Variants in KHDRBS2 observed in about 807,000 individuals in gnomAD.
The protein encoded by KHDRBS2 is KH domain-containing, RNA-binding, signal transduction-associated protein 2.
Under a neutral mutation model 44.3 loss-of-function variants are expected in KHDRBS2, and 26 were observed. The observed-to-expected ratio is 0.59, with a 90% CI of 0.43 to 0.81. The LOEUF is 0.81. Ranked by LOEUF, KHDRBS2 falls within the 40% of genes least tolerant of loss-of-function variation. The probability of loss-of-function intolerance (pLI) is 0.00; values close to 1 mark genes in which losing one functional copy is unlikely to be tolerated. For missense variants in KHDRBS2, 476 were observed against 433.1 expected, an observed-to-expected ratio of 1.10 and a Z score of -0.88; for synonymous variants, 194 against 151.1, an observed-to-expected ratio of 1.28 and a Z score of -2.08.
At chr6:61,593,019 A>G in the KHDRBS2 span, among the ~76,000 whole-genome samples, 3 of 152,198 alleles carry the variant, frequency 2.0e-5, no homozygotes, top group Non-Finnish European at 4.4e-5. Context: ...TTCTATAGAA[A>G]TAGAAGAAGA....
intron 6 of KHDRBS2, among the ~76,000 whole-genome samples, chr6:61,755,392 C>T (rs900311409): frequency 6.6e-6 from 1 of 152,012 alleles, no homozygotes; most frequent in Non-Finnish European, 1.5e-5. Flanking sequence ...ATGAAGGAAA[C>T]CTCCTAATGA....
At position 61,894,680 on chromosome 6, in the gene KHDRBS2, TCCTGG is replaced by T; in HGVS notation, c.760_764del (p.Pro254IlefsTer10). ...GGGCTGGAGGAGGAGGTGCCCTGTA[TCCTGG>T]CACTGTTGGTGCCCCCCGGGCTCGA... On this transcript the variant is annotated frameshift_variant, in exon 6 of 9. Coordinates refer to ENST00000281156, the MANE Select transcript of KHDRBS2 (RefSeq NM_152688.4). LOFTEE classifies it high-confidence loss of function. 1 of 1,613,504 alleles carries T rather than the reference TCCTGG, an allele frequency of 6.2e-7. No individual in the cohort carries two copies. Among genetic ancestry groups the T allele is most frequent in the Non-Finnish European group, 8.5e-7 (1 of 1,179,804 alleles).
the KHDRBS2 span, among the ~76,000 whole-genome samples, chr6:61,577,129 TTTTG>T: frequency 1.2e-5 from 1 of 86,342 alleles, no homozygotes; most frequent in African/African-American, 4.7e-5. Flanking sequence ...AACACTCAGT[TTTTG>T]TTTTTTTTGT....
At chr6:62,136,387 C>T (rs1468644249) in intron 2 of KHDRBS2, among the ~76,000 whole-genome samples, 2 of 152,246 alleles carry the variant, frequency 1.3e-5, no homozygotes, top group Non-Finnish European at 2.9e-5. Flanking sequence ...GAACACGAGG[C>T]AGTTTCACTA....
intron 6 of KHDRBS2, among the ~76,000 whole-genome samples, chr6:61,854,288 T>C (rs1202763382): frequency 2.0e-5 from 3 of 152,138 alleles, no homozygotes; most frequent in Non-Finnish European, 1.5e-5. Context: ...TATTTTTGCT[T>C]AGTTCTATCT....
chr6:61,967,931 C>CGT (rs1372828302), intron 4 of KHDRBS2, among the ~76,000 whole-genome samples: 16 of 84,016 alleles, frequency 1.9e-4, no homozygotes, highest in Middle Eastern at 4.9e-3. Flanking sequence ...CATACACACA[C>CGT]GTATATATAT....
chr6:62,166,226 G>A, intron 2 of KHDRBS2, among the ~76,000 whole-genome samples: 1 of 152,030 alleles, frequency 6.6e-6, no homozygotes, highest in East Asian at 1.9e-4. Context: ...CTAGTTTGTT[G>A]AGGATATTTG....
intron 7 of KHDRBS2, among the ~76,000 whole-genome samples, chr6:61,704,262 C>G (rs1028187445): frequency 1.3e-5 from 2 of 151,804 alleles, no homozygotes; most frequent in East Asian, 3.9e-4. Flanking sequence ...CACTAAACAA[C>G]AAATAAATGG....
the KHDRBS2 span, among the ~76,000 whole-genome samples, chr6:61,663,373 A>T: frequency 6.7e-6 from 1 of 149,122 alleles, no homozygotes; most frequent in African/African-American, 2.5e-5. Flanking sequence ...CACATTGTGC[A>T]CATGTACCCT....
chr6:61,601,742 C>T, the KHDRBS2 span, among the ~76,000 whole-genome samples: 1 of 151,984 alleles, frequency 6.6e-6, no homozygotes, highest in African/African-American at 2.4e-5. Flanking sequence ...CCTCCCCAGG[C>T]TGTTCCTAGC....
chr6:61,772,082 T>C (rs1298777488), intron 6 of KHDRBS2, among the ~76,000 whole-genome samples: 1 of 152,118 alleles, frequency 6.6e-6, no homozygotes, highest in Non-Finnish European at 1.5e-5. Context: ...ACTGGGTAAA[T>C]AATGAAATGA....
intron 4 of KHDRBS2, among the ~76,000 whole-genome samples, chr6:61,939,997 A>ATGATGC (rs1157369797): frequency 1.3e-5 from 2 of 152,172 alleles, no homozygotes; most frequent in African/African-American, 4.8e-5. Flanking sequence ...TTAGCCATAA[A>ATGATGC]TGATGCTGCT....
intron 2 of KHDRBS2, among the ~76,000 whole-genome samples, chr6:62,156,702 T>C (rs1214238064): frequency 2.0e-5 from 3 of 152,028 alleles, no homozygotes; most frequent in Non-Finnish European, 4.4e-5. Context: ...CAGGCTGGAG[T>C]GCAGTGCAGG....
At chr6:61,687,476 G>A (rs1766943548) in intron 8 of KHDRBS2, among the ~76,000 whole-genome samples, 1 of 151,654 alleles carries the variant, frequency 6.6e-6, no homozygotes, top group Admixed American at 6.6e-5. Context: ...TAAATATTTT[G>A]CATCTTCCTT....
At chr6:61,544,014 G>A in the KHDRBS2 span, among the ~76,000 whole-genome samples, 1 of 151,926 alleles carries the variant, frequency 6.6e-6, no homozygotes, top group Non-Finnish European at 1.5e-5. Flanking sequence ...AAAGTAGTTG[G>A]AAACAATGAA....
At chr6:61,672,787 T>G in the KHDRBS2 span, among the ~76,000 whole-genome samples, 1 of 149,596 alleles carries the variant, frequency 6.7e-6, no homozygotes, top group Non-Finnish European at 1.5e-5. Context: ...TTTCTCCCAT[T>G]TTGTAGGTTG....
chr6:62,032,673 A>G lies in KHDRBS2; in HGVS notation c.336+15205T>C, dbSNP rs556120686. Among the ~76,000 whole-genome samples, 34 of 152,034 alleles carry G rather than the reference A, an allele frequency of 2.2e-4. No homozygotes were observed. In the South Asian group the frequency reaches 6.4e-3, roughly 29 times the overall value. ...TATTACAGGGCTTGGGGTACCCACA[A>G]AAGCAGAAACAACTTATATCACAAA... On this transcript the variant is annotated intron_variant, in intron 3 of 8. Coordinates refer to ENST00000281156, the MANE Select transcript of KHDRBS2 (RefSeq NM_152688.4).
the KHDRBS2 span, among the ~76,000 whole-genome samples, chr6:61,616,402 G>A: frequency 3.3e-5 from 5 of 151,224 alleles, no homozygotes; most frequent in African/African-American, 9.7e-5. Context: ...AAAATGAAAT[G>A]GGATGACCCT....
At chr6:61,965,254 A>G (rs564607180) in intron 4 of KHDRBS2, among the ~76,000 whole-genome samples, 17 of 152,138 alleles carry the variant, frequency 1.1e-4, no homozygotes, top group Non-Finnish European at 2.1e-4. Context: ...TTACAAATCA[A>G]TCATAGCCTT....
Sources: allele counts gnomAD v4.1 joint callset (sites outside exome capture counted in the v4.1 genomes callset), GRCh38; gene constraint gnomAD v4.1.1; transcripts MANE v1.5; gene names NCBI Gene and HGNC (gene_info 2026-07-23, HGNC 2026-07-21).